KIF16B: variants seen among roughly 807,000 people sequenced by gnomAD.
The protein encoded by KIF16B is kinesin-like protein KIF16B.
A neutral mutation model predicts 156.3 loss-of-function variants in KIF16B; 98 were observed. That is an observed-to-expected ratio of 0.63 (90% CI 0.53 to 0.74). The LOEUF (loss-of-function observed/expected upper bound fraction) is 0.74, where lower values mean the gene tolerates loss of function less well. Among genes scored for constraint, KIF16B ranks in the 30% least tolerant of loss-of-function variants. The pLI, the probability that KIF16B is intolerant of heterozygous loss-of-function variation, is 0.00. For missense variants in KIF16B, 1,421 were observed against 1,606.5 expected (o/e 0.88, Z 1.97); for synonymous variants, 564 against 583.7 (o/e 0.97, Z 0.49).
intron 12 of KIF16B, among the ~76,000 whole-genome samples, chr20:16,448,707 G>A (rs943081462): frequency 6.6e-6 from 1 of 152,140 alleles, no homozygotes; most frequent in African/African-American, 2.4e-5. Context: ...AATAGCCCAC[G>A]ACAAGAGCCA....
intron 25 of KIF16B, among the ~76,000 whole-genome samples, chr20:16,278,151 G>T (rs2063092350): frequency 6.6e-6 from 1 of 152,182 alleles, no homozygotes; most frequent in Admixed American, 6.5e-5. Context: ...CTGACAGTGA[G>T]TGATCATGGG....
chr20:16,363,395 T>C (rs1483116689), intron 22 of KIF16B, among the ~76,000 whole-genome samples: 2 of 152,222 alleles, frequency 1.3e-5, no homozygotes, highest in Non-Finnish European at 2.9e-5. Context: ...ATGTTTCCAT[T>C]AGGGAGAAGT....
At chr20:16,366,200 CT>C (rs1175127333) in intron 22 of KIF16B, among the ~76,000 whole-genome samples, 8 of 152,168 alleles carry the variant, frequency 5.3e-5, no homozygotes, top group Middle Eastern at 3.4e-3. Context: ...AAGCTCCACC[CT>C]GGGCAGATGC....
Position 16,504,461 on chromosome 20 carries a change from T to C in KIF16B, c.1087A>G (p.Thr363Ala). 1 of 1,614,108 alleles carries C rather than the reference T, an allele frequency of 6.2e-7. No individual in the cohort carries two copies. Among genetic ancestry groups the C allele is most frequent in the Non-Finnish European group, 8.5e-7 (1 of 1,179,978 alleles). Residue 363 changes from threonine to alanine, a missense_variant, in exon 10 of 26, where the codon ACC (threonine) becomes GCC (alanine). By Grantham distance (58) the Thr-to-Ala change is moderately conservative (BLOSUM62 0). Coordinates refer to ENST00000354981, the MANE Select transcript of KIF16B (RefSeq NM_024704.5). ...TTGACGTTGGCATCCTCATTAATGG[T>C]AGGCTTGTTGATGATGTTTTTGGCT... ...NRAKNIINKPTINEDANVKLI... is the reference protein window; with the variant it reads ...NRAKNIINKPAINEDANVKLI...
At chr20:16,458,208 A>T (rs1252269048) in intron 12 of KIF16B, among the ~76,000 whole-genome samples, 1 of 152,238 alleles carries the variant, frequency 6.6e-6, no homozygotes, top group Non-Finnish European at 1.5e-5. Context: ...CCACATAAAC[A>T]ACTGCCCAAA....
chr20:16,398,150 G>A (rs545417189), intron 17 of KIF16B, among the ~76,000 whole-genome samples: 33 of 152,324 alleles, frequency 2.2e-4, no homozygotes, highest in African/African-American at 7.5e-4. Flanking sequence ...CTGAGGATAC[G>A]ACTCTATGCT....
chr20:16,421,720 C>T (rs2066230672), intron 15 of KIF16B, among the ~76,000 whole-genome samples: 1 of 152,020 alleles, frequency 6.6e-6, no homozygotes, highest in Non-Finnish European at 1.5e-5. Flanking sequence ...TTTTACTGCC[C>T]TAAGACATGC....
At chr20:16,364,206 A>C (rs1191915944) in intron 22 of KIF16B, among the ~76,000 whole-genome samples, 2 of 152,244 alleles carry the variant, frequency 1.3e-5, no homozygotes, top group Admixed American at 6.5e-5. Flanking sequence ...TTTTCAACAA[A>C]GACTAAATAA....
chr20:16,411,068 C>A (rs1600324893), intron 15 of KIF16B, among the ~76,000 whole-genome samples: 1 of 152,098 alleles, frequency 6.6e-6, no homozygotes, highest in Admixed American at 6.5e-5. Flanking sequence ...TCATAGTAAG[C>A]AGATACTTTA....
chr20:16,371,891 G>A (rs1237679022), intron 20 of KIF16B, 130 bp from the exon 21 acceptor site: 2 of 618,878 alleles, frequency 3.2e-6, no homozygotes, highest in African/African-American at 1.8e-5. Flanking sequence ...ACAACAACTT[G>A]AGAACTTCAA....
chr20:16,535,315 A>G (rs2069916307), intron 1 of KIF16B, among the ~76,000 whole-genome samples: 1 of 152,176 alleles, frequency 6.6e-6, no homozygotes, highest in African/African-American at 2.4e-5. Flanking sequence ...GGTATATACA[A>G]ATGCTATTGA....
rs73898706 is a variant in KIF16B at position 16,392,809 on chromosome 20, C to T, written c.1785-11062G>A. 3.8e-3 allele frequency among the ~76,000 whole-genome samples: 581 copies of T among 152,274 alleles called. 3 individuals carry two copies. Among genetic ancestry groups the T allele is most frequent in the Middle Eastern group, 0.024 (7 of 294 alleles). ...CTCCCTGACATTTCCCTCCTTATTC[C>T]TCCCCAAGTTGCTTTAATTTAAGCA... On this transcript the variant is annotated intron_variant, in intron 17 of 25. Coordinates refer to ENST00000354981, the MANE Select transcript of KIF16B (RefSeq NM_024704.5).
At chr20:16,481,351 T>C (rs1294738980) in intron 12 of KIF16B, among the ~76,000 whole-genome samples, 1 of 151,928 alleles carries the variant, frequency 6.6e-6, no homozygotes, top group African/African-American at 2.4e-5. Flanking sequence ...GTATGCCACC[T>C]GTCTGGTTAA....
At chr20:16,416,977 G>A (rs1222793692) in intron 15 of KIF16B, among the ~76,000 whole-genome samples, 1 of 152,090 alleles carries the variant, frequency 6.6e-6, no homozygotes, top group Non-Finnish European at 1.5e-5. Context: ...TTTCCCATCA[G>A]AGGAGCTGTA....
intron 12 of KIF16B, among the ~76,000 whole-genome samples, chr20:16,475,277 A>G (rs1475727055): frequency 2.6e-5 from 4 of 152,326 alleles, no homozygotes; most frequent in African/African-American, 7.2e-5. Flanking sequence ...TTTTATTCTC[A>G]TAACAACCCG....
At chr20:16,274,268 A>T (rs973155163) in intron 25 of KIF16B, among the ~76,000 whole-genome samples, 1 of 152,134 alleles carries the variant, frequency 6.6e-6, no homozygotes, top group African/African-American at 2.4e-5. Flanking sequence ...TCCTATAATC[A>T]TCAACAAAAA....
chr20:16,409,996 G>GGTACATATATATATGTAC (rs1568948016), intron 15 of KIF16B, among the ~76,000 whole-genome samples: 5 of 68,802 alleles, frequency 7.3e-5, no homozygotes, highest in South Asian at 5.0e-4. Context: ...TATATATGTA[G>GGTACATATATATATGTAC]GTACATATAT....
intron 1 of KIF16B, among the ~76,000 whole-genome samples, chr20:16,560,699 C>T (rs1300153879): frequency 6.6e-6 from 1 of 151,938 alleles, no homozygotes; most frequent in Non-Finnish European, 1.5e-5. Flanking sequence ...GTGGGAGGAT[C>T]GCTTGGGCCT....
chr20:16,344,897 A>G (rs2064203481), intron 23 of KIF16B, among the ~76,000 whole-genome samples: 1 of 152,136 alleles, frequency 6.6e-6, no homozygotes, highest in South Asian at 2.1e-4. Flanking sequence ...CTGTTGCTAC[A>G]TTCATTTCCC....
Sources: allele counts gnomAD v4.1 joint callset (sites outside exome capture counted in the v4.1 genomes callset), GRCh38; gene constraint gnomAD v4.1.1; transcripts MANE v1.5; gene names NCBI Gene and HGNC (gene_info 2026-07-23, HGNC 2026-07-21).